Variants in GOLIM4 observed in about 807,000 individuals in gnomAD.
GOLIM4 encodes 130 kDa golgi-localized phosphoprotein.
GOLIM4 carries 71 observed loss-of-function variants against 107.4 expected under a neutral mutation model. The ratio of observed to expected loss-of-function variants is 0.66; its 90% CI spans 0.55 to 0.81. The LOEUF is 0.81. Ranked by LOEUF, GOLIM4 falls within the 30% of genes least tolerant of loss-of-function variation. The pLI is 0.00. For synonymous variants in GOLIM4, 327 were observed against 294.8 expected, an observed-to-expected ratio of 1.11 and a Z score of -1.12; for missense variants, 830 against 826.1, an observed-to-expected ratio of 1.00 and a Z score of -0.06.
At chr3:168,047,172 A>G (rs975842145) in intron 2 of GOLIM4, among the ~76,000 whole-genome samples, 173 bp from the exon 3 acceptor site, 6 of 152,230 alleles carry the variant, frequency 3.9e-5, no homozygotes, top group Non-Finnish European at 7.3e-5. Flanking sequence ...AAAGAATTGG[A>G]AAAAACATAC....
rs545515311 is a variant in GOLIM4 at position 168,029,648 on chromosome 3, G to A, written c.1433+132C>T. 6.4e-6 allele frequency: 6 copies of A among 937,296 alleles called. No individual in the cohort carries two copies. The African/African-American group carries it at 9.9e-5, about 15-fold the overall frequency. The allele number at this position is 937,296 out of a possible 1,614,324, so 58.1% of individuals were successfully genotyped here. A position where few individuals can be genotyped will look rare whatever the true frequency, so the allele number is the denominator to read the frequency against. Reference sequence around the variant, plus strand: ...TTTGGTATTTAATTTTCAAGTAGCTGTCCTGCCTTGGCTATTTGAGCAATA... The same window carrying A: ...TTTGGTATTTAATTTTCAAGTAGCTATCCTGCCTTGGCTATTTGAGCAATA... On this transcript the variant is annotated intron_variant, in intron 10 of 15. Transcript: ENST00000470487.
chr3:168,057,794 C>T (rs978048198), intron 1 of GOLIM4, among the ~76,000 whole-genome samples: 10 of 152,140 alleles, frequency 6.6e-5, no homozygotes, highest in South Asian at 2.1e-4. Context: ...TATCCTAGCC[C>T]CTCACTACCA....
At chr3:168,084,606 C>T (rs1721533417) in intron 1 of GOLIM4, among the ~76,000 whole-genome samples, 1 of 152,142 alleles carries the variant, frequency 6.6e-6, no homozygotes, top group African/African-American at 2.4e-5. Flanking sequence ...ATTCCTTTCC[C>T]ACAGAAGTTG....
chr3:168,072,178 T>C (rs933669608), intron 1 of GOLIM4, among the ~76,000 whole-genome samples: 1 of 152,068 alleles, frequency 6.6e-6, no homozygotes, highest in East Asian at 1.9e-4. Context: ...GCAGGAGATA[T>C]ACTGTGACAT....
chr3:168,046,203 A>G (rs1396068801), intron 3 of GOLIM4, among the ~76,000 whole-genome samples: 1 of 152,184 alleles, frequency 6.6e-6, no homozygotes, highest in Non-Finnish European at 1.5e-5. Flanking sequence ...CAAAATATCA[A>G]TGTTTTTCAA....
At chr3:168,012,498 A>T (rs942963912) in intron 14 of GOLIM4, among the ~76,000 whole-genome samples, 1 of 144,880 alleles carries the variant, frequency 6.9e-6, no homozygotes, top group Non-Finnish European at 1.5e-5. Context: ...TCCCCAATCT[A>T]GCAAGGCAGG....
At chr3:168,056,305 C>T (rs1719968359) in intron 1 of GOLIM4, among the ~76,000 whole-genome samples, 1 of 152,252 alleles carries the variant, frequency 6.6e-6, no homozygotes, top group African/African-American at 2.4e-5. Context: ...ACCTAGATTT[C>T]AGAAGATGTA....
chr3:168,062,407 T>A (rs955786368), intron 1 of GOLIM4, among the ~76,000 whole-genome samples: 3 of 152,096 alleles, frequency 2.0e-5, no homozygotes, highest in African/African-American at 7.2e-5. Context: ...GGGGCTTTTT[T>A]TTTTTTTAGT....
intron 1 of GOLIM4, among the ~76,000 whole-genome samples, chr3:168,052,431 CAT>C (rs1233565925): frequency 1.3e-5 from 2 of 152,012 alleles, no homozygotes; most frequent in Non-Finnish European, 2.9e-5. Context: ...TATACACACA[CAT>C]ATATCTGACT....
rs1257125175 is a variant in GOLIM4, at chr3:168,044,896, A to AG, written c.313-16_313-15insC. On this transcript the variant is annotated splice_polypyrimidine_tract_variant and intron_variant, in intron 3 of 15. Coordinates refer to ENST00000470487, the MANE Select transcript of GOLIM4 (RefSeq NM_014498.5). ...TTGGAATCTTGCTGTAAATCAAAAA[A>AG]AAAAAAGAAAACACAAAGATAAATA... is the stretch of plus-strand genomic sequence containing the variant. 6.7e-7 allele frequency: 1 copy of AG among 1,495,232 alleles called. No individual in the cohort carries two copies. The allele number at this position is 1,495,232 out of a possible 1,614,324, so 92.6% of individuals were successfully genotyped here. A position where few individuals can be genotyped will look rare whatever the true frequency, so the allele number is the denominator to read the frequency against.
At chr3:168,042,247 T>C (rs1245515823) in intron 5 of GOLIM4, among the ~76,000 whole-genome samples, 1 of 152,138 alleles carries the variant, frequency 6.6e-6, no homozygotes, top group East Asian at 1.9e-4. Flanking sequence ...ACCTATTTTT[T>C]TTTTTTGACA....
chr3:168,029,676 A>C, intron 10 of GOLIM4, 104 bp downstream of exon 10: 2 of 1,291,172 alleles, frequency 1.5e-6, no homozygotes, highest in Non-Finnish European at 2.2e-6. Context: ...GAGCAATATG[A>C]GCCCCTTAAC....
At chr3:168,022,260 C>T (rs184911165) in intron 14 of GOLIM4, among the ~76,000 whole-genome samples, 70 of 151,762 alleles carry the variant, frequency 4.6e-4, no homozygotes, top group African/African-American at 1.6e-3. Context: ...GGAAGGGAAG[C>T]GATGGCAGCC....
In GOLIM4 at chr3:168,043,619, AAAGC is replaced by A. The variant is rs1282828509; in HGVS notation, c.367-94_367-91del. 3 of 1,021,568 alleles carry A rather than the reference AAAGC, an allele frequency of 2.9e-6. No individual in the cohort carries two copies. The Admixed American group carries it at 8.0e-5, about 27-fold the overall frequency. 63.3% of individuals were successfully genotyped at this position (1,021,568 alleles called of 1,614,324 possible). A position where few individuals can be genotyped will look rare whatever the true frequency, so the allele number is the denominator to read the frequency against. On this transcript the variant is annotated intron_variant, in intron 4 of 15. Transcript: ENST00000470487. Reference sequence around the variant, plus strand: ...ACAGCACAGTAAACAAAAACAAATGAAAGCAAGCAAGCACAAACACATGAAGAAA... The same window carrying A: ...ACAGCACAGTAAACAAAAACAAATGAAAGCAAGCACAAACACATGAAGAAA...
At chr3:168,072,955 T>C (rs529360503) in intron 1 of GOLIM4, among the ~76,000 whole-genome samples, 191 of 152,304 alleles carry the variant, frequency 1.3e-3, no homozygotes, top group African/African-American at 4.3e-3. Flanking sequence ...GAGGTGGTTG[T>C]TAAAAATATA....
At chr3:168,012,580 A>G (rs1038582602) in intron 14 of GOLIM4, among the ~76,000 whole-genome samples, 4 of 140,192 alleles carry the variant, frequency 2.9e-5, no homozygotes, top group African/African-American at 1.3e-4. Flanking sequence ...TCCAAGACAC[A>G]TAATTGTCAG....
At position 168,027,683 on chromosome 3, in the gene GOLIM4, C is replaced by A. The variant is rs182400073; in HGVS notation, c.1623+45G>T. 20 of 1,149,940 alleles carry A rather than the reference C, an allele frequency of 1.7e-5. No individual in the cohort carries two copies. The East Asian group carries it at 4.7e-4, about 27-fold the overall frequency. The allele number at this position is 1,149,940 out of a possible 1,614,324, so 71.2% of individuals were successfully genotyped here. A position where few individuals can be genotyped will look rare whatever the true frequency, so the allele number is the denominator to read the frequency against. On this transcript the variant is annotated intron_variant, in intron 12 of 15. Coordinates refer to ENST00000470487, the MANE Select transcript of GOLIM4 (RefSeq NM_014498.5). The stretch of plus-strand genomic sequence containing the variant: ...GGCAAGTTTTCAACTCTCTTTCCCA[C>A]CTTATGAGTTTACATGTGTCAGGGG...
rs375701240 is a variant in GOLIM4 at position 168,024,630 on chromosome 3, A to T, written c.1792-36T>A. On this transcript the variant is annotated intron_variant, in intron 13 of 15. Transcript: ENST00000470487. The stretch of plus-strand genomic sequence containing the variant: ...CAAAAGGGCAGGTTCATGTTACTGT[A>T]CATCAGAGATGCCTTTTACACAGTA... The T allele has an allele frequency of 7.2e-6, 11 of 1,520,904 alleles. No individual in the cohort carries two copies. In the African/African-American group the frequency reaches 1.5e-4, roughly 21 times the overall value. The allele number at this position is 1,520,904 out of a possible 1,614,324, so 94.2% of individuals were successfully genotyped here.
At chr3:168,078,179 A>G (rs1311446511) in intron 1 of GOLIM4, among the ~76,000 whole-genome samples, 1 of 152,148 alleles carries the variant, frequency 6.6e-6, no homozygotes, top group Non-Finnish European at 1.5e-5. Flanking sequence ...TAATGAATAG[A>G]CCTTTCCTTT....
Sources: allele counts gnomAD v4.1 joint callset (sites outside exome capture counted in the v4.1 genomes callset), GRCh38; gene constraint gnomAD v4.1.1; transcripts MANE v1.5; gene names NCBI Gene and HGNC (gene_info 2026-07-23, HGNC 2026-07-21).